Variants in SIPA1L3 observed in about 807,000 individuals in gnomAD.
The protein encoded by SIPA1L3 is signal induced proliferation associated 1 like 3.
SIPA1L3 carries 59 observed loss-of-function variants against 150.1 expected under a neutral mutation model. That is an observed-to-expected ratio of 0.39 (90% CI 0.32 to 0.49). SIPA1L3 has a LOEUF of 0.49. Among genes scored for constraint, SIPA1L3 ranks in the 20% least tolerant of loss-of-function variants. The probability of loss-of-function intolerance (pLI) is 0.86; values close to 1 mark genes in which losing one functional copy is unlikely to be tolerated. For missense variants in SIPA1L3, 2,211 were observed against 2,489.5 expected (o/e 0.89, Z 2.38); for synonymous variants, 1,070 against 1,077.6 (o/e 0.99, Z 0.14).
chr19:37,997,952 C>A (rs1967684754), intron 1 of SIPA1L3, among the ~76,000 whole-genome samples: 1 of 152,132 alleles, frequency 6.6e-6, no homozygotes, highest in Non-Finnish European at 1.5e-5. Flanking sequence ...GTAGAAGGCC[C>A]CAAATGGCAC....
At chr19:38,041,492 T>C (rs1370832154) in intron 2 of SIPA1L3, among the ~76,000 whole-genome samples, 1 of 151,942 alleles carries the variant, frequency 6.6e-6, no homozygotes, top group Non-Finnish European at 1.5e-5. Context: ...TCGGCCAGGC[T>C]GATCTCAAAC....
In SIPA1L3 at chr19:38,082,025, G is replaced by T. The variant is rs764251633; in HGVS notation, c.460G>T (p.Gly154Trp). The T allele has an allele frequency of 6.2e-7, 1 of 1,614,116 alleles. No individual in the cohort carries two copies. Among genetic ancestry groups the T allele is most frequent in the Non-Finnish European group, 8.5e-7 (1 of 1,179,990 alleles). ...GTCCAAAGACGTGGAGTTCCAGGAC[G>T]GGTGGCCCCGGTCCCCCGGCAGGGC... ...RRSKDVEFQD[G>W]WPRSPGRAFL... The change falls in exon 3 of 22, where the codon GGG (glycine) becomes TGG (tryptophan). Residue 154 changes from glycine (G) to tryptophan (W), a missense_variant. Physicochemically the swap from Gly to Trp is radical, Grantham distance 184. Around this residue, in one of 5 missense-constraint regions of SIPA1L3, gnomAD observed 587 missense variants for 534.5 expected, o/e 1.10. Coordinates refer to ENST00000222345, the MANE Select transcript of SIPA1L3 (RefSeq NM_015073.3).
intron 1 of SIPA1L3, among the ~76,000 whole-genome samples, chr19:38,014,003 G>C (rs1238156634): frequency 6.6e-6 from 1 of 152,214 alleles, no homozygotes; most frequent in Non-Finnish European, 1.5e-5. Flanking sequence ...GGGGACAGTG[G>C]GTATCTACTT....
At chr19:38,024,032 G>A (rs949039441) in intron 1 of SIPA1L3, among the ~76,000 whole-genome samples, 5 of 152,268 alleles carry the variant, frequency 3.3e-5, no homozygotes, top group Middle Eastern at 3.4e-3. Context: ...GGGGGTGGAC[G>A]AGGTAAAGGG....
In SIPA1L3 at chr19:38,131,888, C is replaced by T. The variant is rs566959167; in HGVS notation, c.3143+1116C>T. 6.6e-5 allele frequency among the ~76,000 whole-genome samples: 10 copies of T among 152,016 alleles called. No individual in the cohort carries two copies. In the South Asian group the frequency reaches 2.1e-3, roughly 32 times the overall value. ...CCTCGTGATCCACGTGCCTCGGCCT[C>T]CCAAAGTGCTGGAGTTAACAGGCGT... is the stretch of plus-strand genomic sequence containing the variant. On this transcript the variant is annotated intron_variant, in intron 10 of 21. Coordinates refer to ENST00000222345, the MANE Select transcript of SIPA1L3 (RefSeq NM_015073.3).
At chr19:38,002,980 C>G (rs942343624) in intron 1 of SIPA1L3, among the ~76,000 whole-genome samples, 1 of 151,690 alleles carries the variant, frequency 6.6e-6, no homozygotes, top group Non-Finnish European at 1.5e-5. Context: ...CCGATCTCTA[C>G]TAAAAATACA....
intron 4 of SIPA1L3, among the ~76,000 whole-genome samples, chr19:38,091,865 C>T (rs1162386947): frequency 6.6e-6 from 1 of 151,932 alleles, no homozygotes; most frequent in Non-Finnish European, 1.5e-5. Context: ...CGAGACCAGA[C>T]TGGCCAACAT....
chr19:38,136,528 C>T (rs377331673), intron 10 of SIPA1L3, among the ~76,000 whole-genome samples: 34 of 152,086 alleles, frequency 2.2e-4, no homozygotes, highest in South Asian at 6.2e-4. Context: ...CACTTGAACC[C>T]GGGAGGTGGA....
intron 2 of SIPA1L3, among the ~76,000 whole-genome samples, chr19:38,077,642 CT>C (rs1969867784): frequency 2.3e-5 from 2 of 86,112 alleles, no homozygotes; most frequent in East Asian, 3.4e-4. Flanking sequence ...GTTGTTTTTT[CT>C]TTTTTCTTTT....
At chr19:38,057,288 ATGTATATATATG>A (rs1969339520) in intron 2 of SIPA1L3, among the ~76,000 whole-genome samples, 1 of 145,684 alleles carries the variant, frequency 6.9e-6, no homozygotes, top group South Asian at 2.1e-4. Context: ...ATATATATAT[ATGTATATATATG>A]TGTATATATG....
At chr19:37,922,173 C>T (rs1046956395) in intron 1 of SIPA1L3, among the ~76,000 whole-genome samples, 1 of 151,686 alleles carries the variant, frequency 6.6e-6, no homozygotes, top group Non-Finnish European at 1.5e-5. Flanking sequence ...CAACCTCGGC[C>T]CCACCGGGTT....
intron 6 of SIPA1L3, among the ~76,000 whole-genome samples, chr19:38,102,029 TTTTTCTTTTC>T (rs546684896): frequency 4.0e-5 from 6 of 151,842 alleles, no homozygotes; most frequent in East Asian, 3.9e-4. Flanking sequence ...CATAACAATT[TTTTTCTTTTC>T]TTTTCTTTTC....
chr19:38,045,654 G>A (rs532636094), intron 2 of SIPA1L3, among the ~76,000 whole-genome samples: 2 of 152,236 alleles, frequency 1.3e-5, no homozygotes, highest in Admixed American at 6.5e-5. Flanking sequence ...TTCCAGGCTG[G>A]GGTGGGCGTG....
intron 15 of SIPA1L3, among the ~76,000 whole-genome samples, chr19:38,179,325 C>G (rs1972510313): frequency 6.6e-6 from 1 of 152,144 alleles, no homozygotes; most frequent in African/African-American, 2.4e-5. Context: ...ACCCGTAATC[C>G]CAGCTACTCA....
chr19:37,950,631 C>G (rs1021042526), intron 1 of SIPA1L3, among the ~76,000 whole-genome samples: 1 of 152,208 alleles, frequency 6.6e-6, no homozygotes, highest in Non-Finnish European at 1.5e-5. Flanking sequence ...GGTTCTAGGG[C>G]CTGCCTCGCC....
chr19:37,982,628 G>T (rs1487531469), intron 1 of SIPA1L3, among the ~76,000 whole-genome samples: 1 of 152,192 alleles, frequency 6.6e-6, no homozygotes, highest in African/African-American at 2.4e-5. Flanking sequence ...CTGGATCAAA[G>T]CCCGCCATGT....
In SIPA1L3 at chr19:38,091,732, T is replaced by C. The variant is rs895849756; in HGVS notation, c.1665+2881T>C. Among the ~76,000 whole-genome samples the C allele has an allele frequency of 6.6e-5, 10 of 152,234 alleles. No homozygotes were observed. The East Asian group carries it at 1.9e-3, about 29-fold the overall frequency. ...CTCATGAGTTAGGAGCTCAACCAAC[T>C]CAGTGCTAGCGTTTGTGTTTTTGTT... On this transcript the variant is annotated intron_variant, in intron 4 of 21. Transcript: ENST00000222345.
intron 2 of SIPA1L3, among the ~76,000 whole-genome samples, chr19:38,067,590 C>G (rs931874778): frequency 6.6e-6 from 1 of 152,038 alleles, no homozygotes; most frequent in African/African-American, 2.4e-5. Flanking sequence ...TGGCAAAACC[C>G]ATCTCTACTA....
At chr19:38,191,128 T>C (rs1304652372) in intron 16 of SIPA1L3, among the ~76,000 whole-genome samples, 2 of 152,160 alleles carry the variant, frequency 1.3e-5, no homozygotes, top group Non-Finnish European at 2.9e-5. Flanking sequence ...ATTTATAAGC[T>C]GGGCATGGTG....
Sources: gnomAD v4.1 joint callset for allele counts (sites outside exome capture counted in the v4.1 genomes callset) on GRCh38, gnomAD v4.1.1 for gene constraint, gnomAD v4.1.1 regional missense constraint, MANE v1.5 for transcripts, NCBI Gene and HGNC (gene_info 2026-07-23, HGNC 2026-07-21) for gene names.